Variants in ANKRD55 observed in about 807,000 individuals in gnomAD.
The protein encoded by ANKRD55 is ankyrin repeat domain-containing protein 55.
A neutral mutation model predicts 60.6 loss-of-function variants in ANKRD55; 41 were observed. The ratio of observed to expected loss-of-function variants is 0.68; its 90% CI spans 0.53 to 0.88. The LOEUF (loss-of-function observed/expected upper bound fraction) is 0.88. Among genes scored for constraint, ANKRD55 ranks in the 40% least tolerant of loss-of-function variants. The pLI is 0.00. For missense variants in ANKRD55, 732 were observed against 767.6 expected (o/e 0.95, Z 0.55); for synonymous variants, 264 against 290.3 (o/e 0.91, Z 0.92).
At chr5:56,159,962 A>T (rs757793473) in intron 5 of ANKRD55, 69 bp from the exon 6 acceptor site, 70 of 1,385,398 alleles carry the variant, frequency 5.1e-5, no homozygotes, top group Non-Finnish European at 7.1e-5. Context: ...AATCGGTATA[A>T]AAACATGACC....
chr5:56,187,689 G>A (rs1759004900), intron 2 of ANKRD55, among the ~76,000 whole-genome samples: 1 of 152,244 alleles, frequency 6.6e-6, no homozygotes, highest in Admixed American at 6.5e-5. Context: ...TTCCTGCACG[G>A]CTAACTGCCT....
In ANKRD55 at chr5:56,132,133, G is replaced by A. The variant is rs115430297; in HGVS notation, c.613-5027C>T. Among the ~76,000 whole-genome samples the A allele has an allele frequency of 3.1e-3, 470 of 151,832 alleles. 3 individuals carry two copies. The highest frequency in any genetic ancestry group is 0.011 in the African/African-American group (446 of 41,436). Reference sequence around the variant, plus strand: ...ATCATTTAGTTATTATAAAGTATTCGCACTACCCATGAAGTGGTATAGTGT... The same window carrying A: ...ATCATTTAGTTATTATAAAGTATTCACACTACCCATGAAGTGGTATAGTGT... On this transcript the variant is annotated intron_variant, in intron 7 of 11. Transcript: ENST00000341048.
intron 5 of ANKRD55, among the ~76,000 whole-genome samples, chr5:56,168,124 T>C (rs1043077392): frequency 3.3e-5 from 5 of 152,176 alleles, no homozygotes; most frequent in African/African-American, 1.2e-4. Flanking sequence ...CAGATGTGGT[T>C]GTATGACTAG....
Position 56,100,241 on chromosome 5 carries a change from T to A in ANKRD55, c.1787A>T (p.His596Leu). 6.2e-7 allele frequency: 1 copy of A among 1,614,236 alleles called. No individual in the cohort carries two copies. The highest frequency in any genetic ancestry group is 8.5e-7 in the Non-Finnish European group (1 of 1,180,050). The change falls in exon 12 of 12, where the codon CAC becomes CTC. Residue 596 changes from histidine to leucine, a missense_variant. Physicochemically the swap from His to Leu is moderately conservative, Grantham distance 99. This residue lies in a region of ANKRD55 where 597 missense variants were observed against 607.5 expected (regional missense o/e 0.98). Coordinates refer to ENST00000341048, the MANE Select transcript of ANKRD55 (RefSeq NM_024669.3). ...VLPAIPSQRR[H>L]STAAEESEHS... ...TTCACTCTCTTCTGCTGCTGTGCTG[T>A]GTCTTCGTTGACTTGGAATTGCAGG...
At chr5:56,154,773 G>A (rs1052991398) in intron 6 of ANKRD55, among the ~76,000 whole-genome samples, 1 of 152,030 alleles carries the variant, frequency 6.6e-6, no homozygotes, top group Non-Finnish European at 1.5e-5. Flanking sequence ...ATTTTTAGTA[G>A]AGACGGGGTT....
intron 10 of ANKRD55, among the ~76,000 whole-genome samples, chr5:56,102,840 A>G (rs1756332551): frequency 6.6e-6 from 1 of 152,144 alleles, no homozygotes. Context: ...AAAGAAACAC[A>G]CTGGGTTACT....
chr5:56,139,170 C>T (rs1757688725), intron 7 of ANKRD55, among the ~76,000 whole-genome samples: 1 of 152,116 alleles, frequency 6.6e-6, no homozygotes, highest in South Asian at 2.1e-4. Context: ...CTCTAGAAAA[C>T]TAAAGTCTTT....
chr5:56,192,899 G>C, intron 2 of ANKRD55: 1 of 641,580 alleles, frequency 1.6e-6, no homozygotes, highest in South Asian at 1.8e-5. Flanking sequence ...TTGTCTAAAA[G>C]TATTTTTTAT....
intron 10 of ANKRD55, among the ~76,000 whole-genome samples, chr5:56,110,002 G>C (rs1756626356): frequency 6.6e-6 from 1 of 151,750 alleles, no homozygotes; most frequent in Non-Finnish European, 1.5e-5. Flanking sequence ...AGTGAGCTGA[G>C]ATTGCACCAC....
intron 6 of ANKRD55, among the ~76,000 whole-genome samples, chr5:56,150,082 C>T (rs900315818): frequency 1.3e-5 from 2 of 152,100 alleles, no homozygotes; most frequent in Middle Eastern, 3.2e-3. Flanking sequence ...CCTCATGATC[C>T]GCCTGCCTTG....
intron 2 of ANKRD55, among the ~76,000 whole-genome samples, chr5:56,195,083 T>C (rs1329000013): frequency 6.6e-6 from 1 of 152,136 alleles, no homozygotes; most frequent in Non-Finnish European, 1.5e-5. Flanking sequence ...ATGTGATATA[T>C]TGAAAGAGTA....
At chr5:56,166,158 T>TTTCTTCC (rs1554040812) in intron 5 of ANKRD55, among the ~76,000 whole-genome samples, 4 of 72,436 alleles carry the variant, frequency 5.5e-5, no homozygotes, top group Admixed American at 1.5e-4. Flanking sequence ...TTCTTTCTTC[T>TTTCTTCC]TTCCTTCCTT....
intron 7 of ANKRD55, among the ~76,000 whole-genome samples, chr5:56,139,311 G>A (rs927058439): frequency 7.2e-5 from 11 of 152,278 alleles, no homozygotes; most frequent in East Asian, 5.8e-4. Flanking sequence ...ACAAAGCTCT[G>A]TTCTGGGTGT....
chr5:56,220,896 A>T (rs1482976330), intron 2 of ANKRD55, among the ~76,000 whole-genome samples: 1 of 152,218 alleles, frequency 6.6e-6, no homozygotes, highest in African/African-American at 2.4e-5. Context: ...AGAACAGGAA[A>T]AAAAGATTCT....
At chr5:56,220,566 G>A (rs1759933847) in intron 2 of ANKRD55, among the ~76,000 whole-genome samples, 2 of 152,222 alleles carry the variant, frequency 1.3e-5, no homozygotes. Flanking sequence ...TGTACTTCCA[G>A]CACTTTGGGA....
intron 2 of ANKRD55, among the ~76,000 whole-genome samples, chr5:56,203,712 C>T (rs958472398): frequency 6.6e-6 from 1 of 152,172 alleles, no homozygotes; most frequent in African/African-American, 2.4e-5. Flanking sequence ...ATATGTGCCA[C>T]ATTTTCTTAA....
chr5:56,111,946 C>G (rs1361510385), intron 9 of ANKRD55, among the ~76,000 whole-genome samples, 164 bp from the exon 10 acceptor site: 1 of 152,162 alleles, frequency 6.6e-6, no homozygotes, highest in East Asian at 1.9e-4. Context: ...GAAGAACTCA[C>G]AGTACCCCTG....
At chr5:56,122,717 G>A (rs113493432) in intron 8 of ANKRD55, among the ~76,000 whole-genome samples, 2,189 of 151,812 alleles carry the variant, frequency 0.014, 54 homozygotes, top group African/African-American at 0.051. Context: ...ACAAAACTAT[G>A]TTCTGATTTT....
intron 5 of ANKRD55, among the ~76,000 whole-genome samples, chr5:56,162,423 G>A (rs1433659577): frequency 6.6e-6 from 1 of 152,194 alleles, no homozygotes; most frequent in East Asian, 1.9e-4. Context: ...CTGGCAGGAG[G>A]AGGGAGAGAA....
Sources: gnomAD v4.1 joint callset for allele counts (sites outside exome capture counted in the v4.1 genomes callset) on GRCh38, gnomAD v4.1.1 for gene constraint, gnomAD v4.1.1 regional missense constraint, MANE v1.5 for transcripts, NCBI Gene and HGNC (gene_info 2026-07-23, HGNC 2026-07-21) for gene names.